Variants in SGCD observed in about 807,000 individuals in gnomAD.
SGCD encodes the protein delta-sarcoglycan.
SGCD carries 18 observed loss-of-function variants against 36.6 expected under a neutral mutation model. The observed-to-expected ratio is 0.49, with a 90% confidence interval of 0.34 to 0.73. The LOEUF is 0.73. SGCD is among the 30% of genes least tolerant of loss of function. The pLI is 0.01. For missense variants in SGCD, 387 were observed against 346.7 expected (o/e 1.12, Z -0.92); for synonymous variants, 133 against 130.6 (o/e 1.02, Z -0.12).
intron 6 of SGCD, among the ~76,000 whole-genome samples, chr5:156,631,720 T>C (rs901646806): frequency 1.3e-5 from 2 of 152,106 alleles, no homozygotes; most frequent in Non-Finnish European, 1.5e-5. Flanking sequence ...TTACAACTTT[T>C]GCCTGGTATT....
chr5:156,499,619 G>T (rs1329097580), intron 3 of SGCD, among the ~76,000 whole-genome samples: 2 of 152,122 alleles, frequency 1.3e-5, no homozygotes, highest in Non-Finnish European at 2.9e-5. Context: ...GCCAAGGGAA[G>T]GGCATAAAAC....
intron 3 of SGCD, among the ~76,000 whole-genome samples, chr5:156,262,042 C>A (rs1047969651): frequency 6.6e-6 from 1 of 152,000 alleles, no homozygotes; most frequent in Non-Finnish European, 1.5e-5. Flanking sequence ...TGACAGTAAG[C>A]TAAGTTTAAT....
intron 1 of SGCD, among the ~76,000 whole-genome samples, chr5:155,990,285 A>G (rs1407932135): frequency 1.3e-5 from 2 of 152,206 alleles, no homozygotes. Context: ...AGATACAGCA[A>G]CATGTTTAAT....
chr5:156,138,924 G>A (rs552534350), intron 3 of SGCD, among the ~76,000 whole-genome samples: 1 of 152,282 alleles, frequency 6.6e-6, no homozygotes, highest in African/African-American at 2.4e-5. Context: ...GCATTTCCCT[G>A]TTGGCTAATA....
the SGCD span, among the ~76,000 whole-genome samples, chr5:155,755,479 A>G: frequency 6.6e-6 from 1 of 152,174 alleles, no homozygotes; most frequent in Non-Finnish European, 1.5e-5. Flanking sequence ...GAAAACATAT[A>G]TTGGCTCTTT....
intron 1 of SGCD, among the ~76,000 whole-genome samples, chr5:156,092,525 T>A (rs1462636101): frequency 6.6e-6 from 1 of 152,230 alleles, no homozygotes; most frequent in Admixed American, 6.5e-5. Context: ...GTGTGCCAAT[T>A]TTTGAACCCT....
At chr5:155,955,548 T>C (rs1047159882) in intron 1 of SGCD, among the ~76,000 whole-genome samples, 4 of 152,134 alleles carry the variant, frequency 2.6e-5, no homozygotes, top group African/African-American at 9.7e-5. Flanking sequence ...TTCTCATTTT[T>C]CTTTGTGAAA....
At chr5:156,295,358 A>G (rs1055355693) in intron 3 of SGCD, among the ~76,000 whole-genome samples, 5 of 152,052 alleles carry the variant, frequency 3.3e-5, no homozygotes, top group East Asian at 1.9e-4. Flanking sequence ...TGCTTAGTCT[A>G]TCTTGCTGAA....
In SGCD at chr5:156,593,281, C is replaced by T. The variant is rs192387393; in HGVS notation, c.383-1651C>T. ...AAAAGCCACCCCAGATGCCCAGTGG[C>T]TGGTTGGCACTATCAGCCCAGCCTT... On this transcript the variant is annotated intron_variant, in intron 5 of 8. Coordinates refer to ENST00000337851, the MANE Select transcript of SGCD (RefSeq NM_000337.6). 2.0e-3 allele frequency among the ~76,000 whole-genome samples: 297 copies of T among 152,282 alleles called. 1 individual carries two copies. The highest frequency in any genetic ancestry group is 0.01 in the Middle Eastern group (3 of 294).
chr5:155,773,355 T>A, the SGCD span, among the ~76,000 whole-genome samples: 1 of 152,160 alleles, frequency 6.6e-6, no homozygotes, highest in Non-Finnish European at 1.5e-5. Flanking sequence ...TTATTATTTT[T>A]TCTTCATAAA....
chr5:155,886,885 C>T (rs904530730), intron 1 of SGCD, among the ~76,000 whole-genome samples: 2 of 152,148 alleles, frequency 1.3e-5, no homozygotes, highest in East Asian at 1.9e-4. Context: ...GCCAAGTGAG[C>T]GCTGTGGTTC....
chr5:156,159,482 AC>A (rs1242513000), intron 3 of SGCD, among the ~76,000 whole-genome samples: 5 of 151,622 alleles, frequency 3.3e-5, no homozygotes, highest in Admixed American at 6.6e-5. Context: ...CATAAAAAAA[AC>A]AAAACAAAAC....
chr5:156,226,742 C>T (rs1764869756), intron 3 of SGCD, among the ~76,000 whole-genome samples: 1 of 152,070 alleles, frequency 6.6e-6, no homozygotes, highest in African/African-American at 2.4e-5. Context: ...TCCATGCCAA[C>T]ATCTACATCT....
rs913445643 is a variant in SGCD, at chr5:156,507,870, GA to G, written c.193-724del. ...AATTCAAATAAGCAAATTATAGAGA[GA>G]AAAAAACATATTAGTGAAATTTGAA... On this transcript the variant is annotated intron_variant, in intron 3 of 8. Transcript: ENST00000337851. 1.7e-4 allele frequency among the ~76,000 whole-genome samples: 26 copies of G among 152,092 alleles called. No homozygotes were observed. In the Middle Eastern group the frequency reaches 0.01, roughly 60 times the overall value.
At chr5:155,829,980 G>T in the SGCD span, among the ~76,000 whole-genome samples, 46 of 152,294 alleles carry the variant, frequency 3.0e-4, no homozygotes, top group South Asian at 3.1e-3. Flanking sequence ...AATAACCAAA[G>T]TAACAATATG....
intron 3 of SGCD, among the ~76,000 whole-genome samples, chr5:156,407,646 G>T (rs542716308): frequency 6.6e-5 from 10 of 152,320 alleles, no homozygotes; most frequent in African/African-American, 2.2e-4. Flanking sequence ...GCCATTACTG[G>T]TTTCATGAGG....
chr5:156,540,991 AC>A (rs2113148444), intron 4 of SGCD, among the ~76,000 whole-genome samples: 1 of 152,334 alleles, frequency 6.6e-6, no homozygotes, highest in South Asian at 2.1e-4. Flanking sequence ...TATGAAGAAG[AC>A]AAAGTGTGAC....
At chr5:156,645,661 G>A (rs372238572) in intron 6 of SGCD, among the ~76,000 whole-genome samples, 12 of 151,830 alleles carry the variant, frequency 7.9e-5, no homozygotes, top group South Asian at 2.1e-4. Flanking sequence ...CCACCCCTCC[G>A]ACCCCTTACT....
At position 156,615,872 on chromosome 5, in the gene SGCD, A is replaced by G. The variant is rs1397685320; in HGVS notation, c.502+20821A>G. On this transcript the variant is annotated intron_variant, in intron 6 of 8. Transcript: ENST00000337851. Reference sequence around the variant, plus strand: ...GTTTAGAAATCTTCTTAAACTTTCAATTAGGTACATTTGAACTAGATTTTG... The same window carrying G: ...GTTTAGAAATCTTCTTAAACTTTCAGTTAGGTACATTTGAACTAGATTTTG... 2.6e-5 allele frequency among the ~76,000 whole-genome samples: 4 copies of G among 152,354 alleles called. No individual in the cohort carries two copies. The South Asian group carries it at 6.2e-4, about 24-fold the overall frequency.
Sources: gnomAD v4.1 joint callset for allele counts (sites outside exome capture counted in the v4.1 genomes callset) on GRCh38, gnomAD v4.1.1 for gene constraint, MANE v1.5 for transcripts, NCBI Gene and HGNC (gene_info 2026-07-23, HGNC 2026-07-21) for gene names.